TTC21B: variants seen among roughly 807,000 people sequenced by gnomAD.
TTC21B encodes tetratricopeptide repeat domain 21B, also known as tetratricopeptide repeat protein 21B.
TTC21B carries 127 observed loss-of-function variants against 175.1 expected under a neutral mutation model. The observed-to-expected ratio is 0.73, with a 90% CI of 0.63 to 0.84. The LOEUF (loss-of-function observed/expected upper bound fraction) is 0.84, where lower values mean the gene tolerates loss of function less well. Ranked by LOEUF, TTC21B falls within the 40% of genes least tolerant of loss-of-function variation. TTC21B has a pLI of 0.00. For synonymous variants in TTC21B, 524 were observed against 524.5 expected, an observed-to-expected ratio of 1.00 and a Z score of 0.01; for missense variants, 1,561 against 1,558.3, an observed-to-expected ratio of 1.00 and a Z score of -0.03.
At chr2:165,902,046 A>C in intron 19 of TTC21B, 136 bp from the exon 20 acceptor site, 1 of 785,268 alleles carries the variant, frequency 1.3e-6, no homozygotes, top group Non-Finnish European at 2.1e-6. Flanking sequence ...TCCAAAGAAA[A>C]TGTCTTATTG....
chr2:165,941,001 A>C (rs1018517993), intron 6 of TTC21B, 26 bp downstream of exon 6: 9 of 1,611,636 alleles, frequency 5.6e-6, no homozygotes, highest in Non-Finnish European at 7.6e-6. Flanking sequence ...ATCCAAAGAG[A>C]CTTGTGTCAT....
chr2:165,891,663 T>A (rs79929704), intron 22 of TTC21B, among the ~76,000 whole-genome samples: 20,102 of 152,010 alleles, frequency 0.13, 1,636 homozygotes, highest in East Asian at 0.31. Context: ...TAGAAAGCCT[T>A]CTTCCAATTC....
chr2:165,894,998 G>A (rs73969719), intron 22 of TTC21B, among the ~76,000 whole-genome samples: 6,554 of 152,094 alleles, frequency 0.043, 457 homozygotes, highest in African/African-American at 0.15. Flanking sequence ...CCTTTGCTCC[G>A]AGGCAAATCT....
At position 165,932,532 on chromosome 2, in the gene TTC21B, T is replaced by C. The variant is rs545343329; in HGVS notation, c.795+441A>G. On this transcript the variant is annotated intron_variant, in intron 7 of 28. Coordinates refer to ENST00000243344, the MANE Select transcript of TTC21B (RefSeq NM_024753.5). ...CTACTACAGAAACAGATGTGCTTTATTATGAGGTATAATGGGATTTTATCC... is the reference window on the plus strand; with the variant it reads ...CTACTACAGAAACAGATGTGCTTTACTATGAGGTATAATGGGATTTTATCC... 3.5e-4 allele frequency among the ~76,000 whole-genome samples: 53 copies of C among 152,274 alleles called. 1 individual carries two copies. In the South Asian group the frequency reaches 6.4e-3, roughly 18 times the overall value.
rs1371075132 is a variant in TTC21B, at chr2:165,874,783, T to C, written c.3923A>G (p.Asp1308Gly). The change falls in exon 29 of 29, where the codon GAT becomes GGT. Residue 1308 changes from aspartate to glycine, a missense_variant. Physicochemically the swap from Asp to Gly is moderately conservative, Grantham distance 94. Coordinates refer to ENST00000243344, the MANE Select transcript of TTC21B (RefSeq NM_024753.5). ...TYPKIRKDIL[D>G]KARASLRP ...AGGTCTTAAAGACGCACGGGCCTTA[T>C]CAAGTATATCCTTTCTGATTTTTGG... is the stretch of plus-strand genomic sequence containing the variant. 1 of 1,613,636 alleles carries C rather than the reference T, an allele frequency of 6.2e-7. No individual in the cohort carries two copies. The highest frequency in any genetic ancestry group is 1.3e-5 in the African/African-American group (1 of 74,912).
At chr2:165,920,678 A>G (rs540175947) in intron 12 of TTC21B, among the ~76,000 whole-genome samples, 6 of 145,756 alleles carry the variant, frequency 4.1e-5, no homozygotes, top group African/African-American at 1.3e-4. Flanking sequence ...TGAGTGCCGT[A>G]TGAGTAACAG....
intron 1 of TTC21B, among the ~76,000 whole-genome samples, chr2:165,951,922 A>C (rs116283757): frequency 0.014 from 2,117 of 152,306 alleles, 61 homozygotes; most frequent in African/African-American, 0.049. Context: ...GACTAAAATC[A>C]AGGGAAAGAT....
At chr2:165,900,378 T>G (rs1471884834) in intron 20 of TTC21B, among the ~76,000 whole-genome samples, 1 of 152,212 alleles carries the variant, frequency 6.6e-6, no homozygotes, top group African/African-American at 2.4e-5. Flanking sequence ...AAAATTATAT[T>G]AATAAAAATG....
intron 6 of TTC21B, among the ~76,000 whole-genome samples, chr2:165,934,531 C>T (rs1190756572): frequency 4.2e-5 from 4 of 95,158 alleles, no homozygotes; most frequent in African/African-American, 1.4e-4. Context: ...AGAAAAGAAA[C>T]GAAACATGAT....
intron 5 of TTC21B, 39 bp from the exon 6 acceptor site, chr2:165,941,223 C>A (rs1687356405): frequency 6.2e-7 from 1 of 1,608,290 alleles, no homozygotes; most frequent in African/African-American, 1.3e-5. Context: ...AAACTGTGAT[C>A]TTTCATATCA....
intron 26 of TTC21B, among the ~76,000 whole-genome samples, chr2:165,882,099 T>C (rs527540809): frequency 2.6e-5 from 4 of 152,282 alleles, no homozygotes; most frequent in South Asian, 2.1e-4. Context: ...ACCCTAGCCC[T>C]GCCATAGATG....
intron 25 of TTC21B, 123 bp from the exon 26 acceptor site, chr2:165,884,141 A>T (rs914421116): frequency 6.3e-6 from 5 of 795,522 alleles, no homozygotes; most frequent in African/African-American, 5.1e-5. Flanking sequence ...TCCATTACAG[A>T]TAACTGTGAT....
chr2:165,882,861 C>T (rs558369136), intron 26 of TTC21B, among the ~76,000 whole-genome samples: 4 of 151,678 alleles, frequency 2.6e-5, no homozygotes, highest in Admixed American at 1.3e-4. Flanking sequence ...GAAGGGTAAA[C>T]TATTCAGCAG....
At chr2:165,893,077 A>G (rs1685247952) in intron 22 of TTC21B, among the ~76,000 whole-genome samples, 1 of 152,188 alleles carries the variant, frequency 6.6e-6, no homozygotes, top group Non-Finnish European at 1.5e-5. Flanking sequence ...TTTCAGAAAA[A>G]GACAATTCAA....
intron 6 of TTC21B, among the ~76,000 whole-genome samples, chr2:165,938,478 G>A (rs1687245156): frequency 6.6e-6 from 1 of 152,094 alleles, no homozygotes; most frequent in African/African-American, 2.4e-5. Flanking sequence ...AAAGACAACA[G>A]TACCACTCAT....
chr2:165,924,951 G>T (rs1686573858), intron 11 of TTC21B, among the ~76,000 whole-genome samples: 1 of 135,746 alleles, frequency 7.4e-6, no homozygotes. Context: ...ATATCAAGTG[G>T]GTATTATCTA....
chr2:165,925,974 T>G (rs1381967517), intron 11 of TTC21B, among the ~76,000 whole-genome samples: 1 of 152,174 alleles, frequency 6.6e-6, no homozygotes, highest in East Asian at 1.9e-4. Context: ...TGCAAACAAT[T>G]TCAATGTACA....
chr2:165,902,862 A>G (rs1404631791), intron 19 of TTC21B, among the ~76,000 whole-genome samples: 1 of 152,210 alleles, frequency 6.6e-6, no homozygotes. Context: ...ACCTCTACAC[A>G]TCAAGATGTT....
At position 165,880,593 on chromosome 2, in the gene TTC21B, T is replaced by G. The variant is rs1301395831; in HGVS notation, c.3805+86A>C. The G allele has an allele frequency of 2.1e-6, 3 of 1,459,590 alleles. No individual in the cohort carries two copies. In the African/African-American group the frequency reaches 4.2e-5, roughly 21 times the overall value. 90.4% of individuals were successfully genotyped at this position (1,459,590 alleles called of 1,614,324 possible). On this transcript the variant is annotated intron_variant, in intron 27 of 28. Transcript: ENST00000243344. ...AAATTGACTCAATGTTTATTTTGTT[T>G]TGAAAAAAATCAAATGCATTTAAAT...
Sources: allele counts gnomAD v4.1 joint callset (sites outside exome capture counted in the v4.1 genomes callset), GRCh38; gene constraint gnomAD v4.1.1; transcripts MANE v1.5; gene names NCBI Gene and HGNC (gene_info 2026-07-23, HGNC 2026-07-21).